Variants in ALDH18A1 observed in about 807,000 individuals in gnomAD.
ALDH18A1 encodes delta-1-pyrroline-5-carboxylate synthase.
Under a neutral mutation model 88.8 loss-of-function variants are expected in ALDH18A1, and 44 were observed. That is an observed-to-expected ratio of 0.50 (90% CI 0.39 to 0.64). ALDH18A1 has a LOEUF of 0.64. ALDH18A1 is among the 30% of genes least tolerant of loss of function. ALDH18A1 has a pLI of 0.00. For missense variants in ALDH18A1, 782 were observed against 1,009.5 expected, an observed-to-expected ratio of 0.77 and a Z score of 3.05; for synonymous variants, 331 against 372.1, an observed-to-expected ratio of 0.89 and a Z score of 1.27.
At chr10:95,633,812 C>CTT (rs869056809) in intron 5 of ALDH18A1, among the ~76,000 whole-genome samples, 163 bp from the exon 6 acceptor site, 14,837 of 103,138 alleles carry the variant, frequency 0.14, 1,529 homozygotes, top group Middle Eastern at 0.23. Flanking sequence ...CTATCCAATT[C>CTT]TTTTTTTTTT....
chr10:95,643,055 G>A lies in ALDH18A1; in HGVS notation c.240C>T (p.Ala80=), dbSNP rs1016828034. ...AKRIVVKLGS[A]VVTRGDECGL... ...CACATTCATCCCCTCGGGTCACCAC[G>A]GCACTGCCGAGCTTCACCACGATTC... The change falls in exon 3 of 18, where the codon GCC becomes GCT. Residue 80 remains alanine (A), a synonymous_variant. Transcript: ENST00000371224. 20 of 1,613,922 alleles carry A rather than the reference G, an allele frequency of 1.2e-5. No homozygotes were observed. The highest frequency in any genetic ancestry group is 6.7e-5 in the Admixed American group (4 of 59,998).
At chr10:95,642,858 T>C (rs1346864864) in intron 3 of ALDH18A1, 134 bp downstream of exon 3, 2 of 985,128 alleles carry the variant, frequency 2.0e-6, no homozygotes, top group East Asian at 2.6e-5. Flanking sequence ...GGGAAACAGT[T>C]TTCACATTGG....
At chr10:95,622,723 G>A (rs2097854718) in intron 11 of ALDH18A1, among the ~76,000 whole-genome samples, 1 of 151,946 alleles carries the variant, frequency 6.6e-6, no homozygotes, top group African/African-American at 2.4e-5. Context: ...ATTTTTAGTA[G>A]AGACGGGGTT....
chr10:95,628,265 A>G, intron 8 of ALDH18A1, 103 bp downstream of exon 8: 1 of 1,512,296 alleles, frequency 6.6e-7, no homozygotes, highest in Non-Finnish European at 9.2e-7. Context: ...GTATGTGCCT[A>G]CTATCTGAAC....
chr10:95,621,322 T>C (rs2097852268), intron 11 of ALDH18A1, 71 bp from the exon 12 acceptor site: 21 of 597,414 alleles, frequency 3.5e-5, no homozygotes, highest in Non-Finnish European at 2.3e-5. Context: ...CGATGTGTCT[T>C]TTTTTTTTTT....
intron 6 of ALDH18A1, 78 bp from the exon 7 acceptor site, chr10:95,633,127 C>T (rs1006024961): frequency 1.4e-5 from 19 of 1,373,794 alleles, no homozygotes; most frequent in Non-Finnish European, 2.0e-5. Context: ...CACAGCCAAG[C>T]TCAGGCAAAA....
Position 95,606,740 on chromosome 10 carries a change from T to C in ALDH18A1, c.*22A>G. The C allele has an allele frequency of 6.2e-7, 1 of 1,614,068 alleles. No homozygotes were observed. Among genetic ancestry groups the C allele is most frequent in the Non-Finnish European group, 8.5e-7 (1 of 1,179,974 alleles). On this transcript the variant is annotated 3_prime_UTR_variant, in exon 18 of 18. Coordinates refer to ENST00000371224, the MANE Select transcript of ALDH18A1 (RefSeq NM_002860.4). ...TTAACGTGAAGACCTTTTGGAAAAT[T>C]CCCGGGTTTTCCTGGCTCTTTTCAG...
intron 17 of ALDH18A1, among the ~76,000 whole-genome samples, chr10:95,607,369 C>T (rs1411118899): frequency 6.6e-6 from 1 of 152,142 alleles, no homozygotes; most frequent in African/African-American, 2.4e-5. Context: ...TGTGGTATCC[C>T]CTAGAAGTCT....
chr10:95,648,256 G>A (rs1037643956), intron 2 of ALDH18A1, among the ~76,000 whole-genome samples: 33 of 152,096 alleles, frequency 2.2e-4, no homozygotes, highest in Admixed American at 8.5e-4. Context: ...GAAGTCTTCT[G>A]TGTTGATTGT....
At chr10:95,627,312 G>A (rs2097861833) in intron 9 of ALDH18A1, 130 bp downstream of exon 9, 12 of 1,294,388 alleles carry the variant, frequency 9.3e-6, no homozygotes, top group Admixed American at 1.8e-5. Context: ...AGCAAAATCC[G>A]ATTTTGCAAA....
In ALDH18A1 at chr10:95,621,018, G is replaced by T. The variant is rs2097851490; in HGVS notation, c.1467+13C>A. 1 of 1,612,114 alleles carries T rather than the reference G, an allele frequency of 6.2e-7. No individual in the cohort carries two copies. Among genetic ancestry groups the T allele is most frequent in the Admixed American group, 1.7e-5 (1 of 59,978 alleles). ...AATGGCAGGGTATTTATTCTCCCGG[G>T]GTATATACACACCTGGGGTAGACAG... On this transcript the variant is annotated intron_variant, in intron 12 of 17. Coordinates refer to ENST00000371224, the MANE Select transcript of ALDH18A1 (RefSeq NM_002860.4).
At chr10:95,628,885 A>G (rs1566020698) in intron 7 of ALDH18A1, 2 of 299,778 alleles carry the variant, frequency 6.7e-6, no homozygotes, top group Non-Finnish European at 1.3e-5. Flanking sequence ...TAGCAGCCAT[A>G]TACTGTTTAA....
rs55659918 is a variant in ALDH18A1, at chr10:95,609,769, A to ATTT, written c.2206+425_2206+427dup. On this transcript the variant is annotated intron_variant, in intron 17 of 17. Coordinates refer to ENST00000371224, the MANE Select transcript of ALDH18A1 (RefSeq NM_002860.4). ...CCTACCTTGCCAGAAGTCTGTCTCT[A>ATTT]TTTTTTTTTTTTTTTTGAGATGGTG... Among the ~76,000 whole-genome samples, 584 of 114,200 alleles carry ATTT rather than the reference A, an allele frequency of 5.1e-3. 27 individuals are homozygous for ATTT. The highest frequency in any genetic ancestry group is 7.6e-3 in the Non-Finnish European group (444 of 58,686). 74.9% of individuals were successfully genotyped at this position (114,200 alleles called of 152,430 possible). A position where few individuals can be genotyped will look rare whatever the true frequency, so the allele number is the denominator to read the frequency against.
At chr10:95,653,242 T>C (rs372573474) in intron 2 of ALDH18A1, 48 bp downstream of exon 2, 1 of 1,467,510 alleles carries the variant, frequency 6.8e-7, no homozygotes, top group Non-Finnish European at 9.5e-7. Context: ...GAAACATACT[T>C]TGACTATCAA....
chr10:95,629,648 A>G (rs2097865212), intron 7 of ALDH18A1, among the ~76,000 whole-genome samples: 1 of 152,200 alleles, frequency 6.6e-6, no homozygotes, highest in African/African-American at 2.4e-5. Flanking sequence ...ATATATTAGT[A>G]CAGGAAAGAT....
At chr10:95,646,311 G>C (rs531830460) in intron 2 of ALDH18A1, among the ~76,000 whole-genome samples, 1 of 152,320 alleles carries the variant, frequency 6.6e-6, no homozygotes, top group African/African-American at 2.4e-5. Context: ...AGCCAGGCTA[G>C]CATGAAGGAG....
chr10:95,649,771 C>T (rs535314981), intron 2 of ALDH18A1, among the ~76,000 whole-genome samples: 1 of 152,018 alleles, frequency 6.6e-6, no homozygotes, highest in Non-Finnish European at 1.5e-5. Context: ...GTCCCAGCTA[C>T]TTGGGAGGCT....
intron 10 of ALDH18A1, among the ~76,000 whole-genome samples, chr10:95,625,796 G>A (rs554805895): frequency 6.6e-6 from 1 of 151,828 alleles, no homozygotes; most frequent in South Asian, 2.1e-4. Flanking sequence ...GATACAATCT[G>A]TAGGAGACTG....
chr10:95,613,859 T>C lies in ALDH18A1; in HGVS notation c.1806A>G (p.Arg602=), dbSNP rs1161091458. 2 of 1,614,192 alleles carry C rather than the reference T, an allele frequency of 1.2e-6. No individual in the cohort carries two copies. The highest frequency in any genetic ancestry group is 3.3e-5 in the Admixed American group (2 of 60,016). ...CAGCTGGATATTCACATTTAGAGTC[T>C]CTGACTGAAAGAAGATGAGCAAAGA... The part of the protein sequence containing the change: ...ASVDKVTRLV[R]DSKCEYPAAC... Residue 602 remains arginine (R), a synonymous_variant, in exon 15 of 18, where the codon AGA becomes AGG. Coordinates refer to ENST00000371224, the MANE Select transcript of ALDH18A1 (RefSeq NM_002860.4).
Sources: gnomAD v4.1 joint callset for allele counts (sites outside exome capture counted in the v4.1 genomes callset) on GRCh38, gnomAD v4.1.1 for gene constraint, MANE v1.5 for transcripts, NCBI Gene and HGNC (gene_info 2026-07-23, HGNC 2026-07-21) for gene names.